DCDC1: variants seen among roughly 807,000 people sequenced by gnomAD.
DCDC1 encodes doublecortin domain-containing protein 1.
DCDC1 carries 200 observed loss-of-function variants against 178.3 expected under a neutral mutation model. The ratio of observed to expected loss-of-function variants is 1.12; its 90% CI spans 1.00 to 1.26. DCDC1 has a LOEUF of 1.26. Ranked by LOEUF, DCDC1 falls within the 50% of genes most tolerant of loss-of-function variation. The pLI is 0.00. For missense variants in DCDC1, 1,983 were observed against 1,749.2 expected (o/e 1.13, Z -2.38); for synonymous variants, 690 against 604.8 (o/e 1.14, Z -2.07).
At chr11:31,204,088 T>C (rs1009222448) in intron 9 of DCDC1, among the ~76,000 whole-genome samples, 2 of 152,184 alleles carry the variant, frequency 1.3e-5, no homozygotes, top group African/African-American at 4.8e-5. Context: ...GCTCCTACCA[T>C]GTCCAATTTC....
intron 20 of DCDC1, among the ~76,000 whole-genome samples, chr11:31,048,508 T>C (rs1955010375): frequency 6.6e-6 from 1 of 152,094 alleles, no homozygotes; most frequent in South Asian, 2.1e-4. Context: ...ATTAGAGACT[T>C]CTGGTCAAAA....
intron 9 of DCDC1, among the ~76,000 whole-genome samples, chr11:31,166,212 T>G (rs945004683): frequency 6.6e-5 from 10 of 152,198 alleles, no homozygotes; most frequent in Non-Finnish European, 1.3e-4. Flanking sequence ...AATTCAACTT[T>G]GAAGCAAAAA....
intron 20 of DCDC1, among the ~76,000 whole-genome samples, chr11:31,024,698 T>A (rs1347473051): frequency 6.6e-6 from 1 of 151,938 alleles, no homozygotes; most frequent in African/African-American, 2.4e-5. Flanking sequence ...TCTAGAATTT[T>A]AAAAATGTAT....
intron 10 of DCDC1, among the ~76,000 whole-genome samples, chr11:31,136,951 C>T (rs1963206808): frequency 6.6e-6 from 1 of 152,052 alleles, no homozygotes; most frequent in Admixed American, 6.6e-5. Context: ...ATAGTTTTCC[C>T]TTGATAAAAA....
intron 20 of DCDC1, among the ~76,000 whole-genome samples, chr11:31,042,413 G>T (rs1954521355): frequency 1.3e-5 from 2 of 152,116 alleles, no homozygotes; most frequent in Admixed American, 1.3e-4. Context: ...ACAAATGCCA[G>T]CAAGTCCCAA....
chr11:30,977,789 G>C (rs1950181218), intron 20 of DCDC1, among the ~76,000 whole-genome samples: 1 of 152,028 alleles, frequency 6.6e-6, no homozygotes. Flanking sequence ...AAACCAGCCG[G>C]GCATTGTGGC....
intron 9 of DCDC1, among the ~76,000 whole-genome samples, chr11:31,231,984 C>A (rs1203501586): frequency 6.6e-6 from 1 of 152,138 alleles, no homozygotes; most frequent in Non-Finnish European, 1.5e-5. Flanking sequence ...CTTGCTTTCC[C>A]CATCCACACT....
At chr11:30,884,278 A>G (rs950852574) in intron 36 of DCDC1, among the ~76,000 whole-genome samples, 2 of 151,922 alleles carry the variant, frequency 1.3e-5, no homozygotes, top group African/African-American at 4.8e-5. Context: ...CAGTCCCCCC[A>G]CCTCAGCCTC....
intron 22 of DCDC1, among the ~76,000 whole-genome samples, chr11:30,927,368 T>A (rs1946650934): frequency 6.6e-6 from 1 of 150,868 alleles, no homozygotes; most frequent in Non-Finnish European, 1.5e-5. Context: ...CAATGCCTTG[T>A]TCTAAAAAAA....
intron 11 of DCDC1, among the ~76,000 whole-genome samples, chr11:31,126,038 A>C (rs996867809): frequency 6.6e-6 from 1 of 152,200 alleles, no homozygotes; most frequent in African/African-American, 2.4e-5. Flanking sequence ...TATAAGTGAT[A>C]GAAATTCTTC....
intron 37 of DCDC1, 25 bp downstream of exon 37, chr11:30,881,133 A>G (rs142748339): frequency 6.2e-7 from 1 of 1,611,056 alleles, no homozygotes; most frequent in Non-Finnish European, 8.5e-7. Context: ...CAAAGACTTG[A>G]TGGAAAAGAA....
chr11:31,311,213 T>C (rs923108969), intron 3 of DCDC1, among the ~76,000 whole-genome samples: 4 of 152,200 alleles, frequency 2.6e-5, no homozygotes, highest in African/African-American at 9.6e-5. Flanking sequence ...AGAACTCTTA[T>C]GTGAGGCAAC....
chr11:31,004,052 G>A (rs1246767895), intron 20 of DCDC1, among the ~76,000 whole-genome samples: 1 of 152,080 alleles, frequency 6.6e-6, no homozygotes, highest in African/African-American at 2.4e-5. Context: ...GTCAGTTTTT[G>A]AAATGCTGAG....
At chr11:31,115,582 AC>A (rs1230273480) in intron 11 of DCDC1, among the ~76,000 whole-genome samples, 1 of 152,204 alleles carries the variant, frequency 6.6e-6, no homozygotes, top group Non-Finnish European at 1.5e-5. Flanking sequence ...TAAAATAGCC[AC>A]ACAAAACTAT....
chr11:31,355,548 G>T lies in DCDC1; in HGVS notation c.-125+14149C>A, dbSNP rs911453883. On this transcript the variant is annotated intron_variant, in intron 1 of 38. Coordinates refer to ENST00000684477, the MANE Select transcript of DCDC1 (RefSeq NM_001387274.1). ...AAAAATGTTTGGTTACTGAATTAGTGTTTGATCTTAACATTCTTTTTCTTT... is the reference window on the plus strand; with the variant it reads ...AAAAATGTTTGGTTACTGAATTAGTTTTTGATCTTAACATTCTTTTTCTTT... Among the ~76,000 whole-genome samples the T allele has an allele frequency of 2.0e-5, 3 of 152,040 alleles. No individual in the cohort carries two copies. In the East Asian group the frequency reaches 5.8e-4, roughly 29 times the overall value.
intron 20 of DCDC1, among the ~76,000 whole-genome samples, chr11:30,974,031 T>C (rs1949963674): frequency 6.6e-6 from 1 of 152,162 alleles, no homozygotes; most frequent in Non-Finnish European, 1.5e-5. Context: ...TGAAGTCATA[T>C]CAAGTCTCTT....
chr11:31,041,402 A>G (rs1954437438), intron 20 of DCDC1, among the ~76,000 whole-genome samples: 1 of 152,180 alleles, frequency 6.6e-6, no homozygotes, highest in Admixed American at 6.5e-5. Flanking sequence ...TTTATCAAGC[A>G]ACTTACGTTA....
At chr11:31,254,401 C>A (rs1159096847) in intron 8 of DCDC1, among the ~76,000 whole-genome samples, 1 of 152,072 alleles carries the variant, frequency 6.6e-6, no homozygotes, top group Non-Finnish European at 1.5e-5. Context: ...TGAAATGTAA[C>A]ATTTTGAACA....
At chr11:31,283,095 G>A (rs1038727944) in intron 7 of DCDC1, among the ~76,000 whole-genome samples, 5 of 152,108 alleles carry the variant, frequency 3.3e-5, no homozygotes, top group African/African-American at 1.2e-4. Flanking sequence ...GAGCTTCTTA[G>A]ATATGTGGGT....
Sources: allele counts gnomAD v4.1 joint callset (sites outside exome capture counted in the v4.1 genomes callset), GRCh38; gene constraint gnomAD v4.1.1; transcripts MANE v1.5; gene names NCBI Gene and HGNC (gene_info 2026-07-23, HGNC 2026-07-21).